WASL: variants seen among roughly 807,000 people sequenced by gnomAD.
WASL encodes actin nucleation-promoting factor WASL.
A neutral mutation model predicts 55.5 loss-of-function variants in WASL; 20 were observed. The observed-to-expected ratio is 0.36, with a 90% CI of 0.25 to 0.52. The LOEUF is 0.52. WASL is among the 20% of genes least tolerant of loss of function. The probability of loss-of-function intolerance (pLI) is 0.92; values close to 1 mark genes in which losing one functional copy is unlikely to be tolerated. For missense variants in WASL, 504 were observed against 622.5 expected, an observed-to-expected ratio of 0.81 and a Z score of 2.03; for synonymous variants, 249 against 217.6, an observed-to-expected ratio of 1.14 and a Z score of -1.27.
chr7:123,699,942 C>T (rs540894111), intron 5 of WASL, among the ~76,000 whole-genome samples: 538 of 151,902 alleles, frequency 3.5e-3, no homozygotes, highest in Non-Finnish European at 5.8e-3. Context: ...TTTGGGAGGC[C>T]GAGACGGGCG....
Position 123,689,150 on chromosome 7 carries a change from C to T in WASL, c.1348G>A (p.Val450Met), listed in dbSNP as rs1803352975. Residue 450 changes from valine to methionine, a missense_variant and splice_region_variant, in exon 10 of 11, where the codon GTG becomes ATG. Val to Met is a conservative substitution (Grantham distance 21). Coordinates refer to ENST00000223023, the MANE Select transcript of WASL (RefSeq NM_003941.4). ...QIRQGIQLKS[V>M]ADGQESTPPT... Reference sequence around the variant, plus strand: ...GGTGTAGACTCTTGGCCATCAGCCACCTTGGAAAAGAAAGTTAGCAAAACT... The same window carrying T: ...GGTGTAGACTCTTGGCCATCAGCCATCTTGGAAAAGAAAGTTAGCAAAACT... 1 of 1,610,456 alleles carries T rather than the reference C, an allele frequency of 6.2e-7. No individual in the cohort carries two copies. The highest frequency in any genetic ancestry group is 1.3e-5 in the African/African-American group (1 of 74,680).
intron 1 of WASL, among the ~76,000 whole-genome samples, chr7:123,714,985 G>A (rs1803816093): frequency 6.6e-6 from 1 of 151,992 alleles, no homozygotes; most frequent in Admixed American, 6.6e-5. Flanking sequence ...GTGTGGAGTA[G>A]GAAATAAGAA....
intron 8 of WASL, among the ~76,000 whole-genome samples, chr7:123,693,776 G>A (rs1009720356): frequency 6.6e-6 from 1 of 152,126 alleles, no homozygotes; most frequent in Non-Finnish European, 1.5e-5. Flanking sequence ...GACCAACCTG[G>A]CTAACATGGA....
At chr7:123,723,534 A>AC (rs1238120825) in intron 1 of WASL, among the ~76,000 whole-genome samples, 6 of 152,154 alleles carry the variant, frequency 3.9e-5, no homozygotes, top group Admixed American at 3.9e-4. Context: ...TGACAAACCT[A>AC]CCTTGCCAGT....
At chr7:123,717,095 GGTTT>G (rs1265866719) in intron 1 of WASL, among the ~76,000 whole-genome samples, 1 of 151,948 alleles carries the variant, frequency 6.6e-6, no homozygotes, top group African/African-American at 2.4e-5. Flanking sequence ...GCCCCCTTTT[GGTTT>G]GTTTTTTACC....
At chr7:123,708,986 TA>T in intron 2 of WASL, 102 bp downstream of exon 2, 1 of 1,116,400 alleles carries the variant, frequency 9.0e-7, no homozygotes, top group Non-Finnish European at 1.2e-6. Flanking sequence ...AGTTTATGTA[TA>T]AATTTAAATA....
intron 4 of WASL, 75 bp from the exon 5 acceptor site, chr7:123,704,732 A>AC: frequency 1.0e-6 from 1 of 1,002,784 alleles, no homozygotes. Context: ...TTAATTCACT[A>AC]AACTGTCTTA....
intron 5 of WASL, among the ~76,000 whole-genome samples, chr7:123,701,002 G>C (rs1803580821): frequency 6.6e-6 from 1 of 152,194 alleles, no homozygotes; most frequent in African/African-American, 2.4e-5. Context: ...AAGATGTTAG[G>C]AAATAAGTTT....
At chr7:123,733,983 C>T (rs1022255252) in intron 1 of WASL, among the ~76,000 whole-genome samples, 3 of 147,804 alleles carry the variant, frequency 2.0e-5, no homozygotes, top group Admixed American at 6.7e-5. Context: ...TAACTCAAAA[C>T]GGATGAGAGA....
At chr7:123,742,253 T>C (rs900859097) in intron 1 of WASL, among the ~76,000 whole-genome samples, 7 of 152,232 alleles carry the variant, frequency 4.6e-5, no homozygotes, top group Non-Finnish European at 1.0e-4. Context: ...TGGCATTCAT[T>C]TGGGTTTCAG....
At position 123,683,392 on chromosome 7, in the gene WASL, C is replaced by A. The variant is rs907432641; in HGVS notation, c.*1127G>T. On this transcript the variant is annotated 3_prime_UTR_variant, in exon 11 of 11. Transcript: ENST00000223023. ...TTATCTTTAAAAAAAAAAAATCTAT[C>A]ATTCAGTTATCTGTTCCAAGAACTC... 1.3e-5 allele frequency: 2 copies of A among 151,652 alleles called. No homozygotes were observed. The highest frequency in any genetic ancestry group is 2.9e-5 in the Non-Finnish European group (2 of 67,848). The allele number at this position is 151,652 out of a possible 1,614,324, so 9.4% of individuals were successfully genotyped here.
Position 123,692,608 on chromosome 7 carries a change from A to AGGT in WASL, c.1083_1085dup (p.Pro363dup), listed in dbSNP as rs1169459062. ...CTGGCCCTACCCCCAACACAGATGG[A>AGGT]GGTGGTGGTGGAGGCCCTGAAGGTG... On this transcript the variant is annotated inframe_insertion, in exon 9 of 11. Coordinates refer to ENST00000223023, the MANE Select transcript of WASL (RefSeq NM_003941.4). 6.9e-6 allele frequency: 11 copies of AGGT among 1,603,096 alleles called. No individual in the cohort carries two copies. Among genetic ancestry groups the AGGT allele is most frequent in the Non-Finnish European group, 9.4e-6 (11 of 1,174,676 alleles).
chr7:123,712,889 T>G (rs1398530523), intron 1 of WASL, among the ~76,000 whole-genome samples: 1 of 152,172 alleles, frequency 6.6e-6, no homozygotes. Flanking sequence ...TCCTTTCACA[T>G]TTTCAGAACA....
intron 1 of WASL, among the ~76,000 whole-genome samples, chr7:123,723,306 T>C (rs1803984281): frequency 6.6e-6 from 1 of 152,050 alleles, no homozygotes; most frequent in African/African-American, 2.4e-5. Context: ...TTAAAGAGAA[T>C]CTGAAAAAAG....
At chr7:123,718,464 C>CA (rs1422110818) in intron 1 of WASL, among the ~76,000 whole-genome samples, 1 of 151,980 alleles carries the variant, frequency 6.6e-6, no homozygotes, top group Non-Finnish European at 1.5e-5. Flanking sequence ...CAAGCAACTT[C>CA]AAAAAAACAC....
chr7:123,748,754 G>A lies in WASL; in HGVS notation c.-20C>T, dbSNP rs765278890. 1 of 1,555,248 alleles carries A rather than the reference G, an allele frequency of 6.4e-7. No individual in the cohort carries two copies. Among genetic ancestry groups the A allele is most frequent in the East Asian group, 2.5e-5 (1 of 40,322 alleles). Reference sequence around the variant, plus strand: ...GCTCATGGTTTCGCCGGCGGGGTTGGGAGTCCAGGGCCGTCTCCTCCGGCG... The same window carrying A: ...GCTCATGGTTTCGCCGGCGGGGTTGAGAGTCCAGGGCCGTCTCCTCCGGCG... On this transcript the variant is annotated 5_prime_UTR_variant, in exon 1 of 11. Coordinates refer to ENST00000223023, the MANE Select transcript of WASL (RefSeq NM_003941.4).
intron 1 of WASL, among the ~76,000 whole-genome samples, chr7:123,734,514 G>C (rs1002133041): frequency 1.0e-4 from 15 of 149,784 alleles, no homozygotes; most frequent in Admixed American, 4.7e-4. Flanking sequence ...CAGAAACAGG[G>C]AGCCAGTCTA....
chr7:123,706,165 G>T, intron 4 of WASL, 112 bp downstream of exon 4: 1 of 985,524 alleles, frequency 1.0e-6, no homozygotes, highest in Non-Finnish European at 1.5e-6. Flanking sequence ...GTAAACCAAT[G>T]AATACAGTTA....
intron 5 of WASL, among the ~76,000 whole-genome samples, chr7:123,699,305 G>C (rs1055559613): frequency 1.3e-5 from 2 of 152,122 alleles, no homozygotes; most frequent in Admixed American, 6.5e-5. Flanking sequence ...TTGAACCTGG[G>C]AGGCAGAGGT....
Sources: allele counts gnomAD v4.1 joint callset (sites outside exome capture counted in the v4.1 genomes callset), GRCh38; gene constraint gnomAD v4.1.1; transcripts MANE v1.5; gene names NCBI Gene and HGNC (gene_info 2026-07-23, HGNC 2026-07-21).